The following RYR1 variants were observed in gnomAD, a reference collection of about 807,000 sequenced individuals.
RYR1 encodes the protein ryanodine receptor 1.
Under a neutral mutation model 583.5 loss-of-function variants are expected in RYR1, and 342 were observed. The ratio of observed to expected loss-of-function variants is 0.59; its 90% CI spans 0.54 to 0.64. RYR1 has a LOEUF of 0.64. RYR1 is among the 30% of genes least tolerant of loss of function. RYR1 has a pLI of 0.00. For synonymous variants in RYR1, 2,791 were observed against 2,822.5 expected (o/e 0.99, Z 0.35); for missense variants, 6,032 against 6,917.2 (o/e 0.87, Z 4.54).
intron 69 of RYR1, 160 bp downstream of exon 69, chr19:38,523,469 C>G (rs1165196467): frequency 1.4e-6 from 1 of 726,542 alleles, no homozygotes; most frequent in East Asian, 2.7e-5. Flanking sequence ...CCCTTCCTCC[C>G]CAGCTCCTTC....
chr19:38,441,445 A>C (rs2145324614), intron 2 of RYR1, among the ~76,000 whole-genome samples: 1 of 109,946 alleles, frequency 9.1e-6, no homozygotes. Context: ...TGCGGAGGGC[A>C]TCTGATGGGG....
chr19:38,576,842 A>G (rs905573549), intron 97 of RYR1, among the ~76,000 whole-genome samples: 3 of 152,100 alleles, frequency 2.0e-5, no homozygotes, highest in Non-Finnish European at 4.4e-5. Context: ...GAAGTTAGCA[A>G]TATGTCTTAA....
intron 79 of RYR1, 138 bp downstream of exon 79, chr19:38,534,957 T>C (rs1390231707): frequency 9.0e-7 from 1 of 1,114,980 alleles, no homozygotes; most frequent in Non-Finnish European, 1.3e-6. Context: ...CCCTTGCAGC[T>C]TCCCCTTGTA....
intron 34 of RYR1, among the ~76,000 whole-genome samples, chr19:38,488,301 C>A (rs1271984974): frequency 6.6e-6 from 1 of 152,082 alleles, no homozygotes; most frequent in Non-Finnish European, 1.5e-5. Context: ...CACCCATCAT[C>A]TCTTCCTCCA....
In RYR1 at chr19:38,573,176, G is replaced by A; in HGVS notation, c.13999-1G>A. 1.2e-6 allele frequency: 2 copies of A among 1,613,770 alleles called. No individual in the cohort carries two copies. Among genetic ancestry groups the A allele is most frequent in the South Asian group, 1.1e-5 (1 of 91,078 alleles). ...ACCTTTGGCCTCCTCCCACTATCCA[G>A]GTGCCCCTGGTAATCTTTAAGCGGG... is the stretch of plus-strand genomic sequence containing the variant. On this transcript the variant is annotated splice_acceptor_variant, in intron 95 of 105. Coordinates refer to ENST00000359596, the MANE Select transcript of RYR1 (RefSeq NM_000540.3). LOFTEE classifies it high-confidence loss of function.
intron 90 of RYR1, 143 bp from the exon 91 acceptor site, chr19:38,564,816 G>A (rs1973312317): frequency 7.0e-7 from 1 of 1,428,036 alleles, no homozygotes; most frequent in Admixed American, 2.0e-5. Context: ...CGCCCAGCCT[G>A]ACCCTGTCTC....
At chr19:38,460,239 C>A in intron 19 of RYR1, 136 bp from the exon 20 acceptor site, 2 of 785,840 alleles carry the variant, frequency 2.5e-6, no homozygotes, top group Non-Finnish European at 4.6e-6. Context: ...ACCTCCAGGA[C>A]ACTATGACTG....
Position 38,510,757 on chromosome 19 carries a change from A to G in RYR1, c.9098A>G (p.Asn3033Ser). 1 of 1,614,154 alleles carries G rather than the reference A, an allele frequency of 6.2e-7. No homozygotes were observed. Among genetic ancestry groups the G allele is most frequent in the Admixed American group, 1.7e-5 (1 of 60,018 alleles). ...KVLGSGGHAS[N>S]KEKEMITSLF... is the part of the protein sequence containing the mutation. Reference sequence around the variant, plus strand: ...CTGGGCAGCGGTGGCCACGCCTCTAACAAGGAGAAGGAAATGATCACCAGG... The same window carrying G: ...CTGGGCAGCGGTGGCCACGCCTCTAGCAAGGAGAAGGAAATGATCACCAGG... Residue 3033 changes from asparagine (N) to serine (S), a missense_variant, in exon 60 of 106, where the codon AAC (asparagine) becomes AGC (serine). Asn to Ser is a conservative substitution (Grantham distance 46). Transcript: ENST00000359596.
chr19:38,587,012 C>T (rs192159458), intron 105 of RYR1, among the ~76,000 whole-genome samples: 4 of 151,944 alleles, frequency 2.6e-5, no homozygotes, highest in Admixed American at 1.3e-4. Context: ...CTCACGCCTG[C>T]AATCCTAGCA....
In RYR1 at chr19:38,544,972, G is replaced by A. The variant is rs79812031; in HGVS notation, c.12012+1097G>A. Among the ~76,000 whole-genome samples the A allele has an allele frequency of 4.4e-3, 666 of 152,250 alleles. 1 individual carries two copies. Among genetic ancestry groups the A allele is most frequent in the Non-Finnish European group, 6.1e-3 (415 of 68,026 alleles). ...CCTCTTTGACTGCATTTGCAAGCAGGCTGTCTCCCTGGGCTGGAAAAAATG... is the reference window on the plus strand; with the variant it reads ...CCTCTTTGACTGCATTTGCAAGCAGACTGTCTCCCTGGGCTGGAAAAAATG... On this transcript the variant is annotated intron_variant, in intron 87 of 105. Coordinates refer to ENST00000359596, the MANE Select transcript of RYR1 (RefSeq NM_000540.3).
At chr19:38,464,115 A>G (rs1429977149) in intron 22 of RYR1, among the ~76,000 whole-genome samples, 2 of 151,900 alleles carry the variant, frequency 1.3e-5, no homozygotes, top group African/African-American at 2.4e-5. Context: ...CGTCTCTACT[A>G]AAAATACAAA....
In RYR1 at chr19:38,434,820, C is replaced by T. The variant is rs933867090; in HGVS notation, c.45+946C>T. Reference sequence around the variant, plus strand: ...CTCTGGGCTAGGTCTGCTGACCAGACGCTAGCCCCGCCCCTCCCCCCGGGG... The same window carrying T: ...CTCTGGGCTAGGTCTGCTGACCAGATGCTAGCCCCGCCCCTCCCCCCGGGG... On this transcript the variant is annotated intron_variant, in intron 1 of 105. Transcript: ENST00000359596. 6.6e-5 allele frequency among the ~76,000 whole-genome samples: 10 copies of T among 152,238 alleles called. No individual in the cohort carries two copies. In the East Asian group the frequency reaches 9.7e-4, roughly 15 times the overall value.
In RYR1 at chr19:38,500,109, C is replaced by T. The variant is rs935502081; in HGVS notation, c.7323+93C>T. 7 of 1,112,246 alleles carry T rather than the reference C, an allele frequency of 6.3e-6. No homozygotes were observed. The highest frequency in any genetic ancestry group is 2.3e-4 in the Middle Eastern group (1 of 4,356). The allele number at this position is 1,112,246 out of a possible 1,614,324, so 68.9% of individuals were successfully genotyped here. A position where few individuals can be genotyped will look rare whatever the true frequency, so the allele number is the denominator to read the frequency against. On this transcript the variant is annotated intron_variant, in intron 45 of 105. Coordinates refer to ENST00000359596, the MANE Select transcript of RYR1 (RefSeq NM_000540.3). This position sits in a 1 kb window ranked among gnomAD's most constrained non-coding sequence, Gnocchi z 5.9. ...GGCACTCGGTGACACGGAGTGAGCT[C>T]CCATATGTGGGTGGTCCTGGACTAG... is the stretch of plus-strand genomic sequence containing the variant.
chr19:38,491,891 A>G (rs898587302), intron 37 of RYR1, among the ~76,000 whole-genome samples: 4 of 152,170 alleles, frequency 2.6e-5, no homozygotes, highest in African/African-American at 7.2e-5. Context: ...CAGAATTTCT[A>G]TATTTTAACA....
chr19:38,504,831 C>T lies in RYR1; in HGVS notation c.8151C>T (p.Ala2717=). ...AGALPPDYVD[A]SYSSKAEKKA... ...CTCTGCCCCCCGACTATGTGGATGC[C>T]TCATACTCATCTAAGGCAGAGAAAA... The change falls in exon 51 of 106, where the codon GCC becomes GCT. Residue 2717 remains alanine (A), a synonymous_variant. Coordinates refer to ENST00000359596, the MANE Select transcript of RYR1 (RefSeq NM_000540.3). The T allele has an allele frequency of 1.9e-6, 3 of 1,614,088 alleles. No homozygotes were observed. Among genetic ancestry groups the T allele is most frequent in the Non-Finnish European group, 2.5e-6 (3 of 1,179,992 alleles).
chr19:38,512,137 G>A lies in RYR1; in HGVS notation c.9233+5G>A. On this transcript the variant is annotated splice_donor_5th_base_variant and intron_variant, in intron 62 of 105. Transcript: ENST00000359596. The surrounding 1 kb of genome is among the most constrained non-coding windows in gnomAD (Gnocchi z 5.1). ...GGCCCGCTCCCTGGATGCCAGGTAG[G>A]GCCATAGGCAGTGGCGCCCACTCCC... 1 of 1,614,142 alleles carries A rather than the reference G, an allele frequency of 6.2e-7. No individual in the cohort carries two copies. The highest frequency in any genetic ancestry group is 8.5e-7 in the Non-Finnish European group (1 of 1,180,018).
intron 18 of RYR1, 65 bp downstream of exon 18, chr19:38,458,357 AC>A: frequency 6.5e-7 from 1 of 1,531,094 alleles, no homozygotes; most frequent in Non-Finnish European, 9.0e-7. Flanking sequence ...TAAGTCTCTG[AC>A]CATACACCTT....
chr19:38,438,734 T>G (rs545359692), intron 1 of RYR1, among the ~76,000 whole-genome samples: 93 of 146,812 alleles, frequency 6.3e-4, no homozygotes, highest in Admixed American at 1.2e-3. Flanking sequence ...TTCTCCTGCC[T>G]CAGCCTCCCG....
Position 38,511,945 on chromosome 19 carries a change from T to C in RYR1, c.9173-127T>C, listed in dbSNP as rs1013861906. 10 of 1,100,956 alleles carry C rather than the reference T, an allele frequency of 9.1e-6. No homozygotes were observed. The Admixed American group carries it at 9.9e-5, about 11-fold the overall frequency. 68.2% of individuals were successfully genotyped at this position (1,100,956 alleles called of 1,614,324 possible). ...CTGTAGGAGTCTGGGGGGGTGGGGG[T>C]GCAGTAGCATTCCAACTTAGCCCGC... On this transcript the variant is annotated intron_variant, in intron 61 of 105. Coordinates refer to ENST00000359596, the MANE Select transcript of RYR1 (RefSeq NM_000540.3).
Sources: gnomAD v4.1 joint callset for allele counts (sites outside exome capture counted in the v4.1 genomes callset) on GRCh38, gnomAD v4.1.1 for gene constraint, Gnocchi (gnomAD v3.1) non-coding constraint, MANE v1.5 for transcripts, NCBI Gene and HGNC (gene_info 2026-07-23, HGNC 2026-07-21) for gene names.